The following CPQ variants were observed in gnomAD, a reference collection of about 807,000 sequenced individuals.
The protein encoded by CPQ is carboxypeptidase Q, also known as Ser-Met dipeptidase.
A neutral mutation model predicts 45.7 loss-of-function variants in CPQ; 37 were observed. The observed-to-expected ratio is 0.81, with a 90% CI of 0.62 to 1.07. The LOEUF (loss-of-function observed/expected upper bound fraction) is 1.07, where lower values mean the gene tolerates loss of function less well. CPQ is among the 50% of genes least tolerant of loss of function. The pLI is 0.00. For synonymous variants in CPQ, 186 were observed against 205.8 expected, an observed-to-expected ratio of 0.90 and a Z score of 0.82; for missense variants, 537 against 572.9, an observed-to-expected ratio of 0.94 and a Z score of 0.64.
intron 1 of CPQ, among the ~76,000 whole-genome samples, chr8:96,777,761 T>TATATATATATA (rs1491343688): frequency 1.1e-3 from 14 of 12,872 alleles, no homozygotes; most frequent in African/African-American, 1.9e-3. Flanking sequence ...TATATATATA[T>TATATATATATA]TTTTTTTTTT....
chr8:96,831,592 A>G (rs1811461403), intron 2 of CPQ, among the ~76,000 whole-genome samples: 1 of 152,178 alleles, frequency 6.6e-6, no homozygotes, highest in African/African-American at 2.4e-5. Context: ...ATGGAAGGGT[A>G]AAATTTTCTA....
At chr8:96,722,417 C>A (rs534431809) in intron 1 of CPQ, among the ~76,000 whole-genome samples, 2 of 151,402 alleles carry the variant, frequency 1.3e-5, no homozygotes, top group African/African-American at 4.9e-5. Flanking sequence ...TATAACCATA[C>A]CAGTTTTTTT....
chr8:96,944,380 C>A (rs889292547), intron 4 of CPQ, among the ~76,000 whole-genome samples: 1 of 152,062 alleles, frequency 6.6e-6, no homozygotes, highest in African/African-American at 2.4e-5. Flanking sequence ...TTGTTCATGA[C>A]CCCCTGCTTC....
At chr8:96,767,229 T>C (rs772686964) in intron 1 of CPQ, among the ~76,000 whole-genome samples, 19 of 152,192 alleles carry the variant, frequency 1.2e-4, no homozygotes, top group Non-Finnish European at 1.8e-4. Flanking sequence ...ACAGATTTAG[T>C]AGATCGCAAG....
chr8:96,742,942 C>G (rs1281877680), intron 1 of CPQ, among the ~76,000 whole-genome samples: 2 of 152,110 alleles, frequency 1.3e-5, no homozygotes, highest in Non-Finnish European at 2.9e-5. Flanking sequence ...GTGAATTTGA[C>G]AATTATGTGT....
intron 7 of CPQ, among the ~76,000 whole-genome samples, chr8:97,135,911 C>T (rs1395607957): frequency 6.6e-6 from 1 of 152,216 alleles, no homozygotes; most frequent in African/African-American, 2.4e-5. Flanking sequence ...TGAAAACTCA[C>T]TGATTACATA....
intron 1 of CPQ, among the ~76,000 whole-genome samples, chr8:96,681,065 C>T (rs1160821126): frequency 6.6e-6 from 1 of 151,996 alleles, no homozygotes; most frequent in Non-Finnish European, 1.5e-5. Context: ...GGAAACAGAG[C>T]ATAAAAGTTT....
chr8:96,858,657 T>G (rs1294676215), intron 3 of CPQ, among the ~76,000 whole-genome samples: 1 of 152,142 alleles, frequency 6.6e-6, no homozygotes, highest in African/African-American at 2.4e-5. Flanking sequence ...TATTGCAATC[T>G]TTTCCTGTGA....
At chr8:96,962,688 G>C (rs944153437) in intron 4 of CPQ, among the ~76,000 whole-genome samples, 7 of 152,094 alleles carry the variant, frequency 4.6e-5, no homozygotes, top group African/African-American at 1.7e-4. Context: ...GTTATCTTTT[G>C]TGAGGTAACA....
chr8:96,854,557 A>AAAC (rs1554573253), intron 3 of CPQ, among the ~76,000 whole-genome samples: 10 of 76,886 alleles, frequency 1.3e-4, no homozygotes, highest in Middle Eastern at 9.3e-3. Flanking sequence ...AAAAAAAAAA[A>AAAC]AATGTGGTGG....
chr8:96,808,405 T>A (rs1333993719), intron 2 of CPQ, among the ~76,000 whole-genome samples: 1 of 152,150 alleles, frequency 6.6e-6, no homozygotes, highest in Non-Finnish European at 1.5e-5. Flanking sequence ...GAAAGTCCCC[T>A]CGTCCTTGTC....
At chr8:96,847,895 T>C (rs1306535178) in intron 3 of CPQ, among the ~76,000 whole-genome samples, 3 of 49,754 alleles carry the variant, frequency 6.0e-5, no homozygotes, top group South Asian at 4.4e-4. Flanking sequence ...GAAAAGAGCT[T>C]TTTTTTTTTT....
At chr8:96,809,468 T>A (rs1258153391) in intron 2 of CPQ, among the ~76,000 whole-genome samples, 1 of 152,202 alleles carries the variant, frequency 6.6e-6, no homozygotes, top group Non-Finnish European at 1.5e-5. Flanking sequence ...TGCATTATGC[T>A]AACTGAAAGA....
chr8:96,929,173 T>G (rs1283746224), intron 4 of CPQ, among the ~76,000 whole-genome samples: 3 of 152,140 alleles, frequency 2.0e-5, no homozygotes, highest in Non-Finnish European at 4.4e-5. Flanking sequence ...TTATTTCTGT[T>G]TATTGGGGTG....
chr8:96,654,536 G>T (rs1815616183), intron 1 of CPQ, among the ~76,000 whole-genome samples: 4 of 151,304 alleles, frequency 2.6e-5, no homozygotes, highest in Admixed American at 2.6e-4. Flanking sequence ...AGGTCCTTAT[G>T]ATCCCCTAAT....
At chr8:96,846,125 T>G (rs1338266423) in intron 3 of CPQ, among the ~76,000 whole-genome samples, 1 of 152,176 alleles carries the variant, frequency 6.6e-6, no homozygotes, top group African/African-American at 2.4e-5. Context: ...GCCTCCTAAC[T>G]TTTTTTAAGG....
intron 1 of CPQ, among the ~76,000 whole-genome samples, chr8:96,716,934 C>T (rs944734912): frequency 5.4e-5 from 8 of 149,270 alleles, no homozygotes; most frequent in South Asian, 2.1e-4. Context: ...CACACACACA[C>T]GCAAGAATAA....
At chr8:96,656,517 G>A (rs1815639508) in intron 1 of CPQ, among the ~76,000 whole-genome samples, 1 of 152,150 alleles carries the variant, frequency 6.6e-6, no homozygotes. Context: ...AGTATATGCT[G>A]CATAGAACTG....
chr8:97,081,671 A>G (rs1810952325), intron 7 of CPQ, among the ~76,000 whole-genome samples: 1 of 152,190 alleles, frequency 6.6e-6, no homozygotes, highest in Non-Finnish European at 1.5e-5. Flanking sequence ...GTACTTGTGC[A>G]AACTTGGAAG....
Sources: gnomAD v4.1 joint callset for allele counts (sites outside exome capture counted in the v4.1 genomes callset) on GRCh38, gnomAD v4.1.1 for gene constraint, MANE v1.5 for transcripts, NCBI Gene and HGNC (gene_info 2026-07-23, HGNC 2026-07-21) for gene names.